The following PPFIA2 variants were observed in gnomAD, a reference collection of about 807,000 sequenced individuals.
The protein encoded by PPFIA2 is PPFI scaffold protein A2, also known as liprin-alpha-2.
Under a neutral mutation model 175.5 loss-of-function variants are expected in PPFIA2, and 46 were observed. That is an observed-to-expected ratio of 0.26 (90% confidence interval 0.21 to 0.34). The LOEUF is 0.34. PPFIA2 is among the 10% of genes least tolerant of loss of function. The pLI, the probability that PPFIA2 is intolerant of heterozygous loss-of-function variation, is 1.00. For synonymous variants in PPFIA2, 568 were observed against 511.4 expected, an observed-to-expected ratio of 1.11 and a Z score of -1.49; for missense variants, 1,179 against 1,506.1, an observed-to-expected ratio of 0.78 and a Z score of 3.60.
At chr12:81,409,149 G>A (rs147334710) in intron 7 of PPFIA2, among the ~76,000 whole-genome samples, 170 of 152,144 alleles carry the variant, frequency 1.1e-3, no homozygotes, top group Non-Finnish European at 2.1e-3. Context: ...AACCAGCTTG[G>A]GACAATAAAT....
chr12:81,446,495 T>C (rs1250790832), intron 5 of PPFIA2, among the ~76,000 whole-genome samples: 2 of 152,264 alleles, frequency 1.3e-5, no homozygotes, highest in East Asian at 3.9e-4. Flanking sequence ...CAAAAGGAAG[T>C]TCTACTGCTA....
At chr12:81,461,570 G>C (rs2054544206) in intron 4 of PPFIA2, among the ~76,000 whole-genome samples, 1 of 151,938 alleles carries the variant, frequency 6.6e-6, no homozygotes, top group Non-Finnish European at 1.5e-5. Context: ...GGCCCATCAG[G>C]GATCTCCATC....
At chr12:81,677,067 A>C (rs757821020) in intron 3 of PPFIA2, among the ~76,000 whole-genome samples, 4 of 152,018 alleles carry the variant, frequency 2.6e-5, no homozygotes, top group African/African-American at 7.2e-5. Context: ...AAACATGTAA[A>C]CAGATTTTTT....
chr12:81,705,773 G>C (rs1365893994), intron 3 of PPFIA2, among the ~76,000 whole-genome samples: 1 of 152,160 alleles, frequency 6.6e-6, no homozygotes, highest in African/African-American at 2.4e-5. Context: ...TCATCAGCCA[G>C]TTGAATTTTC....
intron 4 of PPFIA2, among the ~76,000 whole-genome samples, chr12:81,593,773 T>C (rs151241325): frequency 1.2e-4 from 18 of 152,278 alleles, no homozygotes; most frequent in African/African-American, 3.6e-4. Flanking sequence ...CAGAAGAGCA[T>C]GCAAACAACT....
chr12:81,479,473 C>T (rs568760840), intron 4 of PPFIA2, among the ~76,000 whole-genome samples: 1 of 152,186 alleles, frequency 6.6e-6, no homozygotes, highest in South Asian at 2.1e-4. Flanking sequence ...CATTATGATG[C>T]TAGCTGGTTA....
intron 21 of PPFIA2, among the ~76,000 whole-genome samples, chr12:81,337,123 AT>A (rs1414437754): frequency 6.6e-6 from 1 of 151,948 alleles, no homozygotes; most frequent in East Asian, 1.9e-4. Flanking sequence ...CCTATGTTTT[AT>A]TTTTATTTCT....
chr12:81,648,562 T>C (rs775342370), intron 4 of PPFIA2, among the ~76,000 whole-genome samples: 3 of 151,962 alleles, frequency 2.0e-5, no homozygotes, highest in Non-Finnish European at 4.4e-5. Context: ...AGATATCAAT[T>C]CTCCTTAAAT....
chr12:81,534,033 T>A (rs1447641035), intron 4 of PPFIA2, among the ~76,000 whole-genome samples: 1 of 151,534 alleles, frequency 6.6e-6, no homozygotes, highest in Non-Finnish European at 1.5e-5. Flanking sequence ...GATGGATATG[T>A]AGGTCATTAG....
At chr12:81,333,760 G>A (rs936315458) in intron 21 of PPFIA2, among the ~76,000 whole-genome samples, 3 of 151,944 alleles carry the variant, frequency 2.0e-5, no homozygotes, top group African/African-American at 7.3e-5. Context: ...TTTCACTTAG[G>A]ATTCCTCCCC....
intron 4 of PPFIA2, among the ~76,000 whole-genome samples, chr12:81,607,694 T>C (rs2060471320): frequency 6.6e-6 from 1 of 152,152 alleles, no homozygotes; most frequent in Non-Finnish European, 1.5e-5. Flanking sequence ...AGTAGCCTTT[T>C]GGCAGAGTCT....
rs765430111 is a variant in PPFIA2 at position 81,259,371 on chromosome 12, A to G, written c.*323T>C. The G allele has an allele frequency of 1.2e-5, 7 of 602,094 alleles. No homozygotes were observed. Among genetic ancestry groups the G allele is most frequent in the South Asian group, 1.1e-4 (7 of 62,136 alleles). The allele number at this position is 602,094 out of a possible 1,614,324, so 37.3% of individuals were successfully genotyped here. ...GCACGGTAATACATAAATGCCTAGT[A>G]TATTACAATAAAACATGAAAAACAA... On this transcript the variant is annotated 3_prime_UTR_variant, in exon 33 of 33. Coordinates refer to ENST00000549396, the MANE Select transcript of PPFIA2 (RefSeq NM_003625.5).
At chr12:81,566,555 AAAG>A (rs1396211565) in intron 4 of PPFIA2, among the ~76,000 whole-genome samples, 2 of 151,288 alleles carry the variant, frequency 1.3e-5, no homozygotes, top group Admixed American at 1.3e-4. Context: ...AAAAAAAAGA[AAAG>A]AAAAGAAAAA....
chr12:81,578,462 CT>C (rs1184359698), intron 4 of PPFIA2, among the ~76,000 whole-genome samples: 1 of 151,640 alleles, frequency 6.6e-6, no homozygotes, highest in Non-Finnish European at 1.5e-5. Context: ...ATTAACACCC[CT>C]CTGCTTAGAA....
At chr12:81,438,617 ACTTAT>A (rs1216208853) in intron 7 of PPFIA2, among the ~76,000 whole-genome samples, 11 of 152,202 alleles carry the variant, frequency 7.2e-5, no homozygotes, top group African/African-American at 2.2e-4. Flanking sequence ...CCTTTATAAG[ACTTAT>A]CTTTACTGAT....
intron 4 of PPFIA2, among the ~76,000 whole-genome samples, chr12:81,668,224 AGT>A (rs2153559784): frequency 6.6e-6 from 1 of 152,210 alleles, no homozygotes; most frequent in Admixed American, 6.6e-5. Context: ...CCTAGCAGGC[AGT>A]CATCATATAA....
intron 4 of PPFIA2, among the ~76,000 whole-genome samples, chr12:81,619,742 CT>C (rs1161749118): frequency 6.6e-6 from 1 of 152,250 alleles, no homozygotes; most frequent in East Asian, 1.9e-4. Context: ...AAAATGTAAG[CT>C]TTAGCTACTC....
chr12:81,601,074 T>C (rs1319972436), intron 4 of PPFIA2, among the ~76,000 whole-genome samples: 1 of 151,940 alleles, frequency 6.6e-6, no homozygotes, highest in African/African-American at 2.4e-5. Flanking sequence ...TATGAATCTT[T>C]CCAGCCAATA....
At chr12:81,571,655 A>G (rs2072571550) in intron 4 of PPFIA2, among the ~76,000 whole-genome samples, 1 of 152,162 alleles carries the variant, frequency 6.6e-6, no homozygotes, top group Non-Finnish European at 1.5e-5. Flanking sequence ...CAGGGTACAC[A>G]AAATATATGT....
Sources: gnomAD v4.1 joint callset for allele counts (sites outside exome capture counted in the v4.1 genomes callset) on GRCh38, gnomAD v4.1.1 for gene constraint, MANE v1.5 for transcripts, NCBI Gene and HGNC (gene_info 2026-07-23, HGNC 2026-07-21) for gene names.